Variants in CTNNA3 observed in about 807,000 individuals in gnomAD.
CTNNA3 encodes the protein catenin alpha-3.
In CTNNA3, 76 loss-of-function variants were observed where a neutral mutation model predicts 95.7. That is an observed-to-expected ratio of 0.79 (90% CI 0.66 to 0.96). CTNNA3 has a LOEUF of 0.96. CTNNA3 is among the 40% of genes least tolerant of loss of function. The probability of loss-of-function intolerance (pLI) is 0.00; values close to 1 mark genes in which losing one functional copy is unlikely to be tolerated. For missense variants in CTNNA3, 1,191 were observed against 1,089.8 expected (o/e 1.09, Z -1.31); for synonymous variants, 431 against 374.4 (o/e 1.15, Z -1.74).
chr10:66,968,531 T>A (rs1184003602), intron 7 of CTNNA3, among the ~76,000 whole-genome samples: 1 of 151,634 alleles, frequency 6.6e-6, no homozygotes, highest in Non-Finnish European at 1.5e-5. Flanking sequence ...TAAAAAAACG[T>A]GGTTAGAAGC....
chr10:67,597,121 G>T (rs1050608222), intron 3 of CTNNA3, among the ~76,000 whole-genome samples: 3 of 152,066 alleles, frequency 2.0e-5, no homozygotes, highest in African/African-American at 7.2e-5. Flanking sequence ...GATCAGTTTG[G>T]TTCTTTCTTA....
intron 11 of CTNNA3, among the ~76,000 whole-genome samples, chr10:66,478,800 C>T (rs1839414279): frequency 6.6e-6 from 1 of 151,820 alleles, no homozygotes; most frequent in Admixed American, 6.6e-5. Flanking sequence ...TACTCCCAGA[C>T]ATGCAGAATA....
chr10:67,498,637 A>C (rs1294797963), intron 5 of CTNNA3, among the ~76,000 whole-genome samples: 1 of 152,102 alleles, frequency 6.6e-6, no homozygotes, highest in African/African-American at 2.4e-5. Flanking sequence ...CTCTCCTTGA[A>C]GAGGTCCTTC....
chr10:66,603,325 G>C (rs943830462), intron 10 of CTNNA3, among the ~76,000 whole-genome samples: 3 of 151,900 alleles, frequency 2.0e-5, no homozygotes, highest in Admixed American at 6.6e-5. Context: ...AAACAAGAAA[G>C]CAGTAACATT....
At chr10:67,175,003 T>C (rs1358209483) in intron 7 of CTNNA3, among the ~76,000 whole-genome samples, 9 of 126,580 alleles carry the variant, frequency 7.1e-5, no homozygotes, top group Non-Finnish European at 1.4e-4. Flanking sequence ...GTTAAGAATA[T>C]AAAAATGTAA....
Position 66,115,704 on chromosome 10 carries a change from C to T in CTNNA3, c.1885-12455G>A, listed in dbSNP as rs373604996. On this transcript the variant is annotated intron_variant, in intron 13 of 17. Coordinates refer to ENST00000433211, the MANE Select transcript of CTNNA3 (RefSeq NM_013266.4). Reference sequence around the variant, plus strand: ...GCTGCCAGGTATAGTATCAACAATCCTAACCAAATTCATCTGGTTACATTT... The same window carrying T: ...GCTGCCAGGTATAGTATCAACAATCTTAACCAAATTCATCTGGTTACATTT... Among the ~76,000 whole-genome samples the T allele has an allele frequency of 2.0e-5, 3 of 152,116 alleles. No homozygotes were observed. The East Asian group carries it at 5.8e-4, about 29-fold the overall frequency.
At chr10:66,923,871 T>C (rs1358967362) in intron 7 of CTNNA3, among the ~76,000 whole-genome samples, 1 of 152,226 alleles carries the variant, frequency 6.6e-6, no homozygotes, top group African/African-American at 2.4e-5. Flanking sequence ...TATAAAAACA[T>C]ATTTTTTTCA....
intron 10 of CTNNA3, among the ~76,000 whole-genome samples, chr10:66,592,143 A>G (rs1176277092): frequency 2.0e-5 from 3 of 151,964 alleles, no homozygotes; most frequent in Admixed American, 6.6e-5. Context: ...CATCCATAAC[A>G]TTAGCTTTTC....
chr10:67,598,327 G>A (rs1027653074), intron 3 of CTNNA3, among the ~76,000 whole-genome samples: 1 of 152,084 alleles, frequency 6.6e-6, no homozygotes, highest in African/African-American at 2.4e-5. Flanking sequence ...GAGGTCCCTG[G>A]TGAGAGCAGG....
intron 5 of CTNNA3, among the ~76,000 whole-genome samples, chr10:67,270,222 G>C (rs1238042096): frequency 6.6e-6 from 1 of 151,436 alleles, no homozygotes; most frequent in South Asian, 2.1e-4. Context: ...TCTTTCTAGA[G>C]AATCTATTAG....
At chr10:66,327,086 C>T (rs766998750) in intron 12 of CTNNA3, among the ~76,000 whole-genome samples, 28 of 152,010 alleles carry the variant, frequency 1.8e-4, no homozygotes, top group Non-Finnish European at 3.2e-4. Flanking sequence ...ATTTTTAGGC[C>T]CTCAGGAACT....
chr10:66,359,369 T>C (rs2092636269), intron 12 of CTNNA3, among the ~76,000 whole-genome samples: 2 of 152,134 alleles, frequency 1.3e-5, no homozygotes, highest in African/African-American at 2.4e-5. Context: ...AGAATATGAA[T>C]TATGACTTGA....
At position 67,200,923 on chromosome 10, in the gene CTNNA3, T is replaced by C. The variant is rs143405172; in HGVS notation, c.843+18684A>G. On this transcript the variant is annotated intron_variant, in intron 6 of 17. Coordinates refer to ENST00000433211, the MANE Select transcript of CTNNA3 (RefSeq NM_013266.4). ...ACTATTCTCACTATCTTCAGTTTGA[T>C]GTGTCTCAGTATGTGTTTCCTCCTG... 1.3e-3 allele frequency among the ~76,000 whole-genome samples: 196 copies of C among 152,314 alleles called. 2 individuals carry two copies. Among genetic ancestry groups the C allele is most frequent in the African/African-American group, 4.6e-3 (192 of 41,560 alleles).
intron 7 of CTNNA3, among the ~76,000 whole-genome samples, chr10:67,153,363 A>C (rs990040308): frequency 6.6e-6 from 1 of 152,234 alleles, no homozygotes; most frequent in Admixed American, 6.5e-5. Context: ...CCTTCACTTG[A>C]GAAATTTTTA....
rs1839847987 is a variant in CTNNA3 at position 66,766,274 on chromosome 10, C to T, written c.1271G>A (p.Arg424Lys). 6.2e-7 allele frequency: 1 copy of T among 1,613,602 alleles called. No homozygotes were observed. The highest frequency in any genetic ancestry group is 1.7e-5 in the Admixed American group (1 of 59,984). ...YAAIFHEHTSRLVEVANLACS... is the reference protein window; with the variant it reads ...YAAIFHEHTSKLVEVANLACS... ...TTCTAGCATGCTTACCTCTACAAGC[C>T]TGCTGGTGTGTTCATGAAATATCGC... is the stretch of plus-strand genomic sequence containing the variant. The change falls in exon 9 of 18, where the codon AGG becomes AAG. Residue 424 changes from arginine (R) to lysine (K), a missense_variant. Physicochemically the swap from Arg to Lys is conservative, Grantham distance 26. Transcript: ENST00000433211.
intron 12 of CTNNA3, among the ~76,000 whole-genome samples, chr10:66,346,238 TATATATATAGAGAGAGAGAGAGAGAGAG>T (rs1460561877): frequency 7.4e-4 from 12 of 16,174 alleles, no homozygotes; most frequent in African/African-American, 1.3e-3. Context: ...TATATATATA[TATATATATAGAGAGAGAGAGAGAGAGAG>T]AGAGAGAGAG....
At chr10:66,196,242 T>C (rs142947544) in intron 13 of CTNNA3, among the ~76,000 whole-genome samples, 2 of 152,166 alleles carry the variant, frequency 1.3e-5, no homozygotes, top group African/African-American at 4.8e-5. Context: ...CAAGATAACA[T>C]TAATGAGAAA....
chr10:67,094,231 T>G (rs1223505663), intron 7 of CTNNA3, among the ~76,000 whole-genome samples: 1 of 151,892 alleles, frequency 6.6e-6, no homozygotes, highest in Non-Finnish European at 1.5e-5. Context: ...TAATAGAGAC[T>G]ATTTTTATTT....
intron 12 of CTNNA3, among the ~76,000 whole-genome samples, chr10:66,300,693 T>C (rs944861078): frequency 1.2e-4 from 18 of 151,860 alleles, no homozygotes; most frequent in African/African-American, 4.1e-4. Context: ...TGCCCAGTGC[T>C]CTTTAAAAGT....
Sources: gnomAD v4.1 joint callset for allele counts (sites outside exome capture counted in the v4.1 genomes callset) on GRCh38, gnomAD v4.1.1 for gene constraint, MANE v1.5 for transcripts, NCBI Gene and HGNC (gene_info 2026-07-23, HGNC 2026-07-21) for gene names.